DNAJC6: variants seen among roughly 807,000 people sequenced by gnomAD.
The protein encoded by DNAJC6 is DnaJ heat shock protein family (Hsp40) member C6.
A neutral mutation model predicts 110.0 loss-of-function variants in DNAJC6; 34 were observed. The observed-to-expected ratio is 0.31, with a 90% CI of 0.24 to 0.41. DNAJC6 has a LOEUF of 0.41. Ranked by LOEUF, DNAJC6 falls within the 10% of genes least tolerant of loss-of-function variation. The pLI is 1.00. For synonymous variants in DNAJC6, 406 were observed against 437.2 expected (o/e 0.93, Z 0.89); for missense variants, 1,031 against 1,207.8 (o/e 0.85, Z 2.17).
chr1:65,310,036 G>A (rs1008547974), intron 1 of DNAJC6, 98 bp downstream of exon 1: 25 of 1,344,020 alleles, frequency 1.9e-5, no homozygotes, highest in Non-Finnish European at 2.0e-5. Context: ...CCCCAGCCCC[G>A]GTTTGCGAGA....
At position 65,385,825 on chromosome 1, in the gene DNAJC6, G is replaced by A; in HGVS notation, c.914G>A (p.Arg305Lys). Residue 305 changes from arginine to lysine, a missense_variant, in exon 7 of 19, where the codon AGG becomes AAG. Arg to Lys is a conservative substitution (Grantham distance 26). Transcript: ENST00000371069. Reference sequence around the variant, plus strand: ...CCAATACCCTTTTTCAACAAACAGAGGAATGGATGTCGCCCTTACTGTGAT... The same window carrying A: ...CCAATACCCTTTTTCAACAAACAGAAGAATGGATGTCGCCCTTACTGTGAT... ...VSPIPFFNKQ[R>K]NGCRPYCDVL... 1.9e-6 allele frequency: 3 copies of A among 1,614,074 alleles called. No homozygotes were observed. Among genetic ancestry groups the A allele is most frequent in the Admixed American group, 1.7e-5 (1 of 60,010 alleles).
chr1:65,280,527 G>A (rs937088028), intron 1 of DNAJC6, among the ~76,000 whole-genome samples: 5 of 152,184 alleles, frequency 3.3e-5, no homozygotes, highest in Admixed American at 2.6e-4. Flanking sequence ...ATATCCCTGG[G>A]TAAACAAATG....
chr1:65,344,645 G>A (rs1645420372), intron 1 of DNAJC6, among the ~76,000 whole-genome samples: 1 of 152,132 alleles, frequency 6.6e-6, no homozygotes, highest in African/African-American at 2.4e-5. Flanking sequence ...CAATTAATGA[G>A]CCCTCATGCC....
intron 1 of DNAJC6, among the ~76,000 whole-genome samples, chr1:65,355,027 A>G (rs944216377): frequency 3.3e-5 from 5 of 152,162 alleles, no homozygotes; most frequent in African/African-American, 1.2e-4. Context: ...ATGTAATCCC[A>G]GCACTTTGGG....
intron 1 of DNAJC6, among the ~76,000 whole-genome samples, chr1:65,302,102 T>C (rs1303518304): frequency 7.0e-5 from 2 of 28,702 alleles, no homozygotes; most frequent in African/African-American, 9.7e-4. Flanking sequence ...ATATATATAA[T>C]ATATAATATA....
chr1:65,290,065 C>T (rs1359453208), intron 1 of DNAJC6, among the ~76,000 whole-genome samples: 1 of 152,142 alleles, frequency 6.6e-6, no homozygotes, highest in Non-Finnish European at 1.5e-5. Flanking sequence ...CCGCCTCGGC[C>T]TCCCAAAGTG....
chr1:65,301,105 G>T (rs1292628886), intron 1 of DNAJC6, among the ~76,000 whole-genome samples: 1 of 152,150 alleles, frequency 6.6e-6, no homozygotes, highest in Non-Finnish European at 1.5e-5. Context: ...TTTTCTTCAA[G>T]ACTGAGAGAA....
intron 1 of DNAJC6, among the ~76,000 whole-genome samples, chr1:65,293,107 A>G (rs1295321947): frequency 1.3e-5 from 2 of 152,260 alleles, no homozygotes; most frequent in Non-Finnish European, 2.9e-5. Context: ...CAGTCAGCTC[A>G]GGCTGCTGTC....
At chr1:65,291,877 C>T (rs1418521282) in intron 1 of DNAJC6, among the ~76,000 whole-genome samples, 1 of 152,166 alleles carries the variant, frequency 6.6e-6, no homozygotes, top group African/African-American at 2.4e-5. Flanking sequence ...TGTTTTTGCA[C>T]ACAGATCTGT....
chr1:65,377,704 T>C (rs1645779275), intron 4 of DNAJC6, among the ~76,000 whole-genome samples: 1 of 152,204 alleles, frequency 6.6e-6, no homozygotes, highest in African/African-American at 2.4e-5. Context: ...TCAATGTGTT[T>C]GCTTTTAGAC....
intron 1 of DNAJC6, among the ~76,000 whole-genome samples, chr1:65,287,910 C>T (rs1404005858): frequency 6.6e-6 from 1 of 152,160 alleles, no homozygotes; most frequent in Non-Finnish European, 1.5e-5. Context: ...GGACTAATTT[C>T]TTTTAAAAGG....
intron 4 of DNAJC6, among the ~76,000 whole-genome samples, chr1:65,369,201 G>T (rs564489016): frequency 4.6e-5 from 7 of 152,134 alleles, no homozygotes; most frequent in Non-Finnish European, 7.3e-5. Context: ...CTAGAATTTG[G>T]CAGAATGCAA....
rs1645404749 is a variant in DNAJC6 at position 65,343,107 on chromosome 1, A to G, written c.194-21528A>G. On this transcript the variant is annotated intron_variant, in intron 1 of 18. Coordinates refer to ENST00000371069, the MANE Select transcript of DNAJC6 (RefSeq NM_001256864.2). Reference sequence around the variant, plus strand: ...CGGTCTCACCTCTCACCCCTCTCTAATATACCACCCAGTTCTGTGAGGAAA... The same window carrying G: ...CGGTCTCACCTCTCACCCCTCTCTAGTATACCACCCAGTTCTGTGAGGAAA... Among the ~76,000 whole-genome samples, 2 of 152,216 alleles carry G rather than the reference A, an allele frequency of 1.3e-5. 1 individual carries two copies. The highest frequency in any genetic ancestry group is 4.1e-4 in the South Asian group (2 of 4,824).
chr1:65,399,224 A>G (rs2101624942), intron 14 of DNAJC6, among the ~76,000 whole-genome samples: 1 of 152,320 alleles, frequency 6.6e-6, no homozygotes, highest in East Asian at 1.9e-4. Flanking sequence ...CAATGGGGAT[A>G]ATAATTTTGG....
At chr1:65,376,484 T>G (rs1645767645) in intron 4 of DNAJC6, among the ~76,000 whole-genome samples, 1 of 151,904 alleles carries the variant, frequency 6.6e-6, no homozygotes, top group Non-Finnish European at 1.5e-5. Flanking sequence ...GTTAGGTTGT[T>G]AATTTGAAGT....
chr1:65,405,365 T>C (rs766162850), intron 15 of DNAJC6, among the ~76,000 whole-genome samples: 5 of 152,212 alleles, frequency 3.3e-5, no homozygotes, highest in African/African-American at 4.8e-5. Context: ...CCATGCTTTA[T>C]AACAAAAAAT....
chr1:65,360,378 T>C (rs556920928), intron 1 of DNAJC6, among the ~76,000 whole-genome samples: 5 of 152,284 alleles, frequency 3.3e-5, no homozygotes, highest in African/African-American at 1.2e-4. Flanking sequence ...GCCTGAGGGA[T>C]GGTGAGAGTC....
At chr1:65,265,713 T>C (rs565919756) in intron 1 of DNAJC6, among the ~76,000 whole-genome samples, 1 of 152,320 alleles carries the variant, frequency 6.6e-6, no homozygotes, top group African/African-American at 2.4e-5. Context: ...GGAGGAGCGA[T>C]GGACCCCTAG....
intron 1 of DNAJC6, among the ~76,000 whole-genome samples, chr1:65,272,745 G>T (rs1017347759): frequency 1.3e-5 from 2 of 152,142 alleles, no homozygotes; most frequent in African/African-American, 4.8e-5. Context: ...TCACTATGTT[G>T]CCCAGGCTGA....
Sources: allele counts gnomAD v4.1 joint callset (sites outside exome capture counted in the v4.1 genomes callset), GRCh38; gene constraint gnomAD v4.1.1; transcripts MANE v1.5; gene names NCBI Gene and HGNC (gene_info 2026-07-23, HGNC 2026-07-21).